CCDC85C: variants seen among roughly 807,000 people sequenced by gnomAD.
The protein encoded by CCDC85C is coiled-coil domain-containing protein 85C.
CCDC85C carries 18 observed loss-of-function variants against 38.3 expected under a neutral mutation model. The ratio of observed to expected loss-of-function variants is 0.47; its 90% CI spans 0.33 to 0.70. CCDC85C has a LOEUF of 0.70. CCDC85C is among the 30% of genes least tolerant of loss of function. The pLI, the probability that CCDC85C is intolerant of heterozygous loss-of-function variation, is 0.03. For synonymous variants in CCDC85C, 264 were observed against 293.8 expected (o/e 0.90, Z 1.04); for missense variants, 566 against 621.2 (o/e 0.91, Z 0.94).
At chr14:99,553,596 C>T (rs1897955635) in intron 1 of CCDC85C, among the ~76,000 whole-genome samples, 1 of 152,210 alleles carries the variant, frequency 6.6e-6, no homozygotes, top group Admixed American at 6.5e-5. Context: ...AACTCCTGAC[C>T]TCATGATCCG....
intron 1 of CCDC85C, among the ~76,000 whole-genome samples, chr14:99,596,893 A>G (rs1365163521): frequency 6.6e-6 from 1 of 152,182 alleles, no homozygotes; most frequent in African/African-American, 2.4e-5. Context: ...GATGGAGGGC[A>G]CAGCAGCCAC....
At chr14:99,584,828 G>A (rs1474766134) in intron 1 of CCDC85C, among the ~76,000 whole-genome samples, 1 of 152,182 alleles carries the variant, frequency 6.6e-6, no homozygotes, top group South Asian at 2.1e-4. Flanking sequence ...CGCAGTGGAC[G>A]CTGTAATCCC....
chr14:99,573,225 G>A (rs1237871604), intron 1 of CCDC85C, among the ~76,000 whole-genome samples: 1 of 152,168 alleles, frequency 6.6e-6, no homozygotes, highest in African/African-American at 2.4e-5. Flanking sequence ...GAGCGAACAG[G>A]ACCTCCAGGT....
chr14:99,508,386 G>C lies in CCDC85C; in HGVS notation c.*6860C>G, dbSNP rs1005233007. 1 of 152,446 alleles carries C rather than the reference G, an allele frequency of 6.6e-6. No individual in the cohort carries two copies. 9.4% of individuals were successfully genotyped at this position (152,446 alleles called of 1,614,324 possible). A position where few individuals can be genotyped will look rare whatever the true frequency, so the allele number is the denominator to read the frequency against. On this transcript the variant is annotated 3_prime_UTR_variant, in exon 6 of 6. Transcript: ENST00000380243. ...GGGAGCCTGGGGCAGCCACAGGGGT[G>C]CTGCTACCTCCAGGGCACTGAGTAG...
intron 1 of CCDC85C, among the ~76,000 whole-genome samples, chr14:99,592,385 C>G (rs2139988759): frequency 6.6e-6 from 1 of 152,276 alleles, no homozygotes; most frequent in Middle Eastern, 3.4e-3. Flanking sequence ...TCACCAGCAG[C>G]AATCTGGACA....
At chr14:99,537,158 A>C (rs1457281885) in intron 1 of CCDC85C, among the ~76,000 whole-genome samples, 1 of 152,186 alleles carries the variant, frequency 6.6e-6, no homozygotes, top group Non-Finnish European at 1.5e-5. Context: ...ATGCCAGCCC[A>C]GACCCCATCC....
At chr14:99,518,025 CT>C (rs1897252434) in intron 3 of CCDC85C, among the ~76,000 whole-genome samples, 2 of 152,178 alleles carry the variant, frequency 1.3e-5, no homozygotes, top group Admixed American at 1.3e-4. Context: ...GGGCTCCCAC[CT>C]CTGGCAATCC....
chr14:99,568,524 C>T (rs1369642969), intron 1 of CCDC85C, among the ~76,000 whole-genome samples: 1 of 152,130 alleles, frequency 6.6e-6, no homozygotes, highest in Non-Finnish European at 1.5e-5. Flanking sequence ...TAGAAGACAG[C>T]ACCCCCACTA....
Position 99,511,765 on chromosome 14 carries a change from A to T in CCDC85C, c.*3481T>A, listed in dbSNP as rs1027368776. Reference sequence around the variant, plus strand: ...CTTTGGAGGACCTGGTTGAGTTCCAAACCAGTTTGAAACTTTGAAGCCTTG... The same window carrying T: ...CTTTGGAGGACCTGGTTGAGTTCCATACCAGTTTGAAACTTTGAAGCCTTG... On this transcript the variant is annotated 3_prime_UTR_variant, in exon 6 of 6. Coordinates refer to ENST00000380243, the MANE Select transcript of CCDC85C (RefSeq NM_001144995.2). The T allele has an allele frequency of 6.6e-6, 1 of 152,654 alleles. No homozygotes were observed. The highest frequency in any genetic ancestry group is 6.5e-5 in the Admixed American group (1 of 15,288). 9.5% of individuals were successfully genotyped at this position (152,654 alleles called of 1,614,324 possible).
intron 1 of CCDC85C, among the ~76,000 whole-genome samples, chr14:99,597,137 C>G (rs1419708524): frequency 6.6e-6 from 1 of 152,156 alleles, no homozygotes; most frequent in Non-Finnish European, 1.5e-5. Flanking sequence ...GCTCCCCCAG[C>G]CCAGCCCACA....
intron 1 of CCDC85C, among the ~76,000 whole-genome samples, chr14:99,601,332 G>A (rs2055196653): frequency 6.6e-6 from 1 of 152,124 alleles, no homozygotes; most frequent in Non-Finnish European, 1.5e-5. Flanking sequence ...CCCCCAGTGG[G>A]GTGGAAAACT....
chr14:99,571,099 G>GACC (rs1338124217), intron 1 of CCDC85C, among the ~76,000 whole-genome samples: 1 of 152,142 alleles, frequency 6.6e-6, no homozygotes, highest in African/African-American at 2.4e-5. Flanking sequence ...CTCTTCAGCA[G>GACC]ACCACCCCAC....
chr14:99,589,035 G>C (rs1028129219), intron 1 of CCDC85C, among the ~76,000 whole-genome samples: 1 of 147,486 alleles, frequency 6.8e-6, no homozygotes, highest in African/African-American at 2.6e-5. Flanking sequence ...TGAAAACATC[G>C]ACCCAACCCT....
chr14:99,568,819 A>G (rs1898275431), intron 1 of CCDC85C, among the ~76,000 whole-genome samples: 1 of 152,268 alleles, frequency 6.6e-6, no homozygotes, highest in African/African-American at 2.4e-5. Flanking sequence ...GACTTCAGTC[A>G]GCCTCTCCAC....
chr14:99,603,828 G>A lies in CCDC85C; in HGVS notation c.132C>T (p.Gly44=), dbSNP rs1566788658. The A allele has an allele frequency of 2.0e-6, 3 of 1,523,064 alleles. No individual in the cohort carries two copies. Among genetic ancestry groups the A allele is most frequent in the Admixed American group, 2.0e-5 (1 of 49,798 alleles). 94.3% of individuals were successfully genotyped at this position (1,523,064 alleles called of 1,614,324 possible). A position where few individuals can be genotyped will look rare whatever the true frequency, so the allele number is the denominator to read the frequency against. Reference sequence around the variant, plus strand: ...TCAGGCCGCCGTGCTCCAGCATGAGGCCCACCTTCTCGCCCTCGGCGCGCC... The same window carrying A: ...TCAGGCCGCCGTGCTCCAGCATGAGACCCACCTTCTCGCCCTCGGCGCGCC... ...RLRRAEGEKV[G]LMLEHGGLMR... Residue 44 remains glycine, a synonymous_variant, in exon 1 of 6, where the codon GGC becomes GGT. Coordinates refer to ENST00000380243, the MANE Select transcript of CCDC85C (RefSeq NM_001144995.2). This position sits in a 1 kb window ranked among gnomAD's most constrained non-coding sequence, Gnocchi z 7.5.
At chr14:99,539,160 G>A (rs2400683) in intron 1 of CCDC85C, among the ~76,000 whole-genome samples, 85,679 of 152,060 alleles carry the variant, frequency 0.56, 24,687 homozygotes, top group African/African-American at 0.68. Flanking sequence ...AGTAATTCCA[G>A]TGGAATCTAT....
At chr14:99,586,089 C>T (rs533404126) in intron 1 of CCDC85C, among the ~76,000 whole-genome samples, 1 of 152,338 alleles carries the variant, frequency 6.6e-6, no homozygotes, top group South Asian at 2.1e-4. Flanking sequence ...AGATGAGGCT[C>T]CAAGGAGGGG....
chr14:99,515,717 G>T lies in CCDC85C; in HGVS notation c.1171-382C>A, dbSNP rs143331915. Among the ~76,000 whole-genome samples, 1,428 of 152,234 alleles carry T rather than the reference G, an allele frequency of 9.4e-3. 30 individuals carry two copies. The highest frequency in any genetic ancestry group is 0.032 in the African/African-American group (1,317 of 41,538). On this transcript the variant is annotated intron_variant, in intron 5 of 5. Transcript: ENST00000380243. The stretch of plus-strand genomic sequence containing the variant: ...AGCACCCCCAAGGAGACCGCCGATG[G>T]TGCTCAGCTGGGTCGAGCACGGAGC...
chr14:99,503,311 C>A lies in CCDC85C; in HGVS notation c.*11935G>T, dbSNP rs554157777. 5 of 606,544 alleles carry A rather than the reference C, an allele frequency of 8.2e-6. No homozygotes were observed. The highest frequency in any genetic ancestry group is 1.5e-5 in the Non-Finnish European group (5 of 339,514). The allele number at this position is 606,544 out of a possible 1,614,324, so 37.6% of individuals were successfully genotyped here. ...TGCTGCTTCTGTGCAGCTGCCTGAC[C>A]CCAAACAGTGGACCGTTTCCTGCAC... On this transcript the variant is annotated 3_prime_UTR_variant, in exon 6 of 6. Coordinates refer to ENST00000380243, the MANE Select transcript of CCDC85C (RefSeq NM_001144995.2).
Sources: gnomAD v4.1 joint callset for allele counts (sites outside exome capture counted in the v4.1 genomes callset) on GRCh38, gnomAD v4.1.1 for gene constraint, Gnocchi (gnomAD v3.1) non-coding constraint, MANE v1.5 for transcripts, NCBI Gene and HGNC (gene_info 2026-07-23, HGNC 2026-07-21) for gene names.